The following SPCS2 variants were observed in gnomAD, a reference collection of about 807,000 sequenced individuals.
SPCS2 encodes SPase 25 kDa subunit.
SPCS2 carries 3 observed loss-of-function variants against 22.3 expected under a neutral mutation model. The observed-to-expected ratio is 0.13, with a 90% CI of 0.06 to 0.35. SPCS2 has a LOEUF of 0.35. Ranked by LOEUF, SPCS2 falls within the 10% of genes least tolerant of loss-of-function variation. The probability of loss-of-function intolerance (pLI) is 1.00; values close to 1 mark genes in which losing one functional copy is unlikely to be tolerated. For missense variants in SPCS2, 169 were observed against 280.9 expected (o/e 0.60, Z 2.85); for synonymous variants, 67 against 97.2 (o/e 0.69, Z 1.83).
chr11:74,958,063 G>T (rs904814321), intron 1 of SPCS2, among the ~76,000 whole-genome samples: 1 of 152,174 alleles, frequency 6.6e-6, no homozygotes, highest in Non-Finnish European at 1.5e-5. Flanking sequence ...CAGTGATCTG[G>T]CCCTCAAAGA....
intron 2 of SPCS2, 139 bp downstream of exon 2, chr11:74,965,256 C>G (rs1379012637): frequency 3.3e-6 from 2 of 606,554 alleles, no homozygotes; most frequent in Non-Finnish European, 2.8e-6. Context: ...TCTAAAATTT[C>G]TCACAGAAAA....
At chr11:74,972,632 C>T (rs1948591272) in intron 4 of SPCS2, among the ~76,000 whole-genome samples, 1 of 151,762 alleles carries the variant, frequency 6.6e-6, no homozygotes, top group South Asian at 2.1e-4. Flanking sequence ...GCCTTGACCT[C>T]CTAATTAGTC....
At chr11:74,950,474 C>T (rs1189700861) in intron 1 of SPCS2, among the ~76,000 whole-genome samples, 3 of 152,146 alleles carry the variant, frequency 2.0e-5, no homozygotes, top group Non-Finnish European at 2.9e-5. Context: ...GAAATGAAAA[C>T]ATGATTATGT....
Position 74,949,394 on chromosome 11 carries a change from G to A in SPCS2, c.109G>A (p.Asp37Asn), listed in dbSNP as rs1165811961. 1.1e-5 allele frequency: 17 copies of A among 1,551,352 alleles called. No individual in the cohort carries two copies. Among genetic ancestry groups the A allele is most frequent in the Admixed American group, 2.0e-5 (1 of 50,994 alleles). Residue 37 changes from aspartate (D) to asparagine (N), a missense_variant, in exon 1 of 5, where the codon GAT becomes AAT. Coordinates refer to ENST00000263672, the MANE Select transcript of SPCS2 (RefSeq NM_014752.3). ...AGGAAGTGGCCGTAGCGGCTTGTTG[G>A]ATAAGGTGAGGAGCCGGTTCTTGGG... ...GTGSGRSGLLDKWKIDDKPVK... is the reference protein window; with the variant it reads ...GTGSGRSGLLNKWKIDDKPVK...
rs537054 is a variant in SPCS2 at position 74,978,327 on chromosome 11, G to A, written c.*1284G>A. ...GAGGTTGTCCTATCTCGCACCACAT[G>A]GTAGGGAATTGTGAACAACACTGGA... is the stretch of plus-strand genomic sequence containing the variant. On this transcript the variant is annotated 3_prime_UTR_variant, in exon 5 of 5. Transcript: ENST00000263672. The A allele has an allele frequency of 0.45, 68,283 of 152,118 alleles. 15,770 individuals are homozygous for A. The highest frequency in any genetic ancestry group is 0.53 in the Middle Eastern group (155 of 294). 9.4% of individuals were successfully genotyped at this position (152,118 alleles called of 1,614,324 possible).
chr11:74,955,175 C>T (rs1454307246), intron 1 of SPCS2, among the ~76,000 whole-genome samples: 3 of 152,180 alleles, frequency 2.0e-5, no homozygotes, highest in Non-Finnish European at 2.9e-5. Flanking sequence ...GACAGTTCCT[C>T]AGAAAATTCA....
intron 1 of SPCS2, among the ~76,000 whole-genome samples, chr11:74,963,327 AG>A (rs1197753976): frequency 2.0e-5 from 3 of 152,106 alleles, no homozygotes; most frequent in Non-Finnish European, 2.9e-5. Flanking sequence ...CAGGGCACCA[AG>A]GGGGAAAAAA....
rs1948623881 is a variant in SPCS2, at chr11:74,977,779, G to A, written c.*736G>A. 1 of 152,616 alleles carries A rather than the reference G, an allele frequency of 6.6e-6. No homozygotes were observed. Among genetic ancestry groups the A allele is most frequent in the Non-Finnish European group, 1.5e-5 (1 of 68,036 alleles). 9.5% of individuals were successfully genotyped at this position (152,616 alleles called of 1,614,324 possible). On this transcript the variant is annotated 3_prime_UTR_variant, in exon 5 of 5. Coordinates refer to ENST00000263672, the MANE Select transcript of SPCS2 (RefSeq NM_014752.3). ...TTTGATGGAGAGAACAGAGAAACAAGTGTTAACATCTTTCTACTATAGGTT... is the reference window on the plus strand; with the variant it reads ...TTTGATGGAGAGAACAGAGAAACAAATGTTAACATCTTTCTACTATAGGTT...
intron 1 of SPCS2, among the ~76,000 whole-genome samples, chr11:74,953,666 A>G (rs1310767637): frequency 6.6e-6 from 1 of 152,242 alleles, no homozygotes; most frequent in Non-Finnish European, 1.5e-5. Context: ...GACTTTAAGA[A>G]CACAGCAATT....
At chr11:74,973,994 TCTC>T (rs1397671465) in intron 4 of SPCS2, among the ~76,000 whole-genome samples, 1 of 151,874 alleles carries the variant, frequency 6.6e-6, no homozygotes, top group Admixed American at 6.6e-5. Flanking sequence ...TCTCACACAG[TCTC>T]CTCATTTCTC....
chr11:74,976,269 A>G (rs1948613160), intron 4 of SPCS2, among the ~76,000 whole-genome samples: 1 of 152,252 alleles, frequency 6.6e-6, no homozygotes, highest in African/African-American at 2.4e-5. Flanking sequence ...AACAAAGGGA[A>G]AAGAAACCTC....
chr11:74,955,220 T>C (rs1417901464), intron 1 of SPCS2, among the ~76,000 whole-genome samples: 3 of 152,108 alleles, frequency 2.0e-5, no homozygotes, highest in Non-Finnish European at 4.4e-5. Flanking sequence ...ACAATTCCAC[T>C]CCTAGGTGTA....
intron 1 of SPCS2, among the ~76,000 whole-genome samples, chr11:74,961,044 A>G (rs1183696425): frequency 1.3e-5 from 2 of 152,118 alleles, no homozygotes; most frequent in Non-Finnish European, 2.9e-5. Flanking sequence ...TTAAAAAAAA[A>G]AAAAAGCTAT....
At chr11:74,974,847 C>T (rs1435068363) in intron 4 of SPCS2, among the ~76,000 whole-genome samples, 1 of 152,066 alleles carries the variant, frequency 6.6e-6, no homozygotes, top group Non-Finnish European at 1.5e-5. Flanking sequence ...ATCTCCTGAC[C>T]TCGTGATCTG....
rs1296824277 is a variant in SPCS2, at chr11:74,977,234, G to A, written c.*191G>A. ...AGATATGAGAAGTTGTAGCTCTGAT[G>A]TCTAGCTGTAGTCTCCTTGATCTGC... On this transcript the variant is annotated 3_prime_UTR_variant, in exon 5 of 5. Transcript: ENST00000263672. 1.8e-6 allele frequency: 1 copy of A among 571,410 alleles called. No individual in the cohort carries two copies. Among genetic ancestry groups the A allele is most frequent in the East Asian group, 3.6e-5 (1 of 28,028 alleles). 35.4% of individuals were successfully genotyped at this position (571,410 alleles called of 1,614,324 possible). A position where few individuals can be genotyped will look rare whatever the true frequency, so the allele number is the denominator to read the frequency against.
At chr11:74,969,752 T>C in intron 4 of SPCS2, 53 bp downstream of exon 4, 1 of 1,606,206 alleles carries the variant, frequency 6.2e-7, no homozygotes, top group Non-Finnish European at 8.5e-7. Flanking sequence ...TGCCCTGGCA[T>C]GTTGTCATTA....
intron 1 of SPCS2, among the ~76,000 whole-genome samples, chr11:74,951,699 A>G (rs1003986041): frequency 3.3e-5 from 5 of 150,806 alleles, no homozygotes; most frequent in African/African-American, 9.8e-5. Flanking sequence ...AATCCCACCT[A>G]CTCGGGAGGC....
intron 1 of SPCS2, among the ~76,000 whole-genome samples, chr11:74,951,266 G>GT (rs1191550148): frequency 6.6e-6 from 1 of 152,104 alleles, no homozygotes; most frequent in Non-Finnish European, 1.5e-5. Context: ...AGATCACAGG[G>GT]TTTTGGGAAG....
At chr11:74,963,618 C>T (rs886345068) in intron 1 of SPCS2, 2 of 440,200 alleles carry the variant, frequency 4.5e-6, no homozygotes, top group Non-Finnish European at 9.1e-6. Context: ...CTATATTGCC[C>T]AGGCTGGACT....
Sources: allele counts gnomAD v4.1 joint callset (sites outside exome capture counted in the v4.1 genomes callset), GRCh38; gene constraint gnomAD v4.1.1; transcripts MANE v1.5; gene names NCBI Gene and HGNC (gene_info 2026-07-23, HGNC 2026-07-21).